Variants in ADAMTS17 observed in about 807,000 individuals in gnomAD.
ADAMTS17 encodes A disintegrin and metalloproteinase with thrombospondin motifs 17.
A neutral mutation model predicts 141.5 loss-of-function variants in ADAMTS17; 113 were observed. That is an observed-to-expected ratio of 0.80 (90% CI 0.69 to 0.93). The LOEUF (loss-of-function observed/expected upper bound fraction) is 0.93. Ranked by LOEUF, ADAMTS17 falls within the 40% of genes least tolerant of loss-of-function variation. The probability of loss-of-function intolerance (pLI) is 0.00; values close to 1 mark genes in which losing one functional copy is unlikely to be tolerated. For missense variants in ADAMTS17, 1,659 were observed against 1,517.9 expected, an observed-to-expected ratio of 1.09 and a Z score of -1.54; for synonymous variants, 768 against 630.6, an observed-to-expected ratio of 1.22 and a Z score of -3.27.
rs575071650 is a variant in ADAMTS17 at position 100,051,614 on chromosome 15, T to A, written c.2413A>T (p.Thr805Ser). ...CTGCACCCTTCCCAGCCGCTGTGGG[T>A]CCAGATGAACAAAGAGTCCTGCGGT... The part of the protein sequence containing the change: ...EKPQDSLFIW[T>S]HSGWEGCSVQ... The change falls in exon 17 of 22, where the codon ACC becomes TCC. Residue 805 changes from threonine to serine, a missense_variant. Physicochemically the swap from Thr to Ser is moderately conservative, Grantham distance 58. Coordinates refer to ENST00000268070, the MANE Select transcript of ADAMTS17 (RefSeq NM_139057.4). 1 of 1,614,092 alleles carries A rather than the reference T, an allele frequency of 6.2e-7. No homozygotes were observed.
At chr15:100,089,189 A>C (rs1305972645) in intron 15 of ADAMTS17, among the ~76,000 whole-genome samples, 1 of 150,490 alleles carries the variant, frequency 6.6e-6, no homozygotes, top group Non-Finnish European at 1.5e-5. Context: ...ATGAACAGAC[A>C]CTTCTCAAAA....
chr15:100,093,015 C>A (rs897019056), intron 15 of ADAMTS17, among the ~76,000 whole-genome samples: 4 of 152,226 alleles, frequency 2.6e-5, no homozygotes, highest in Non-Finnish European at 5.9e-5. Flanking sequence ...CTTGAGCCAG[C>A]CCAAGGCATG....
intron 15 of ADAMTS17, 88 bp from the exon 16 acceptor site, chr15:100,054,142 T>A (rs1048211144): frequency 1.4e-5 from 21 of 1,485,900 alleles, no homozygotes; most frequent in Non-Finnish European, 2.0e-5. Flanking sequence ...AGCCCCTGAG[T>A]GGGGCAGAGG....
At chr15:100,186,564 A>C (rs1039994961) in intron 8 of ADAMTS17, among the ~76,000 whole-genome samples, 2 of 152,224 alleles carry the variant, frequency 1.3e-5, no homozygotes, top group African/African-American at 4.8e-5. Context: ...TGACTACAGC[A>C]GTCAAACAAG....
At chr15:100,323,638 AT>A (rs2045804172) in intron 3 of ADAMTS17, among the ~76,000 whole-genome samples, 1 of 151,714 alleles carries the variant, frequency 6.6e-6, no homozygotes, top group Admixed American at 6.5e-5. Flanking sequence ...AGGAAAAAAA[AT>A]AAAGATACAA....
chr15:100,264,660 C>T (rs1197295278), intron 4 of ADAMTS17, among the ~76,000 whole-genome samples: 1 of 152,184 alleles, frequency 6.6e-6, no homozygotes, highest in Non-Finnish European at 1.5e-5. Flanking sequence ...GTCAAAATCA[C>T]CCATTTTCTC....
chr15:100,067,447 A>G (rs1313868872), intron 15 of ADAMTS17, among the ~76,000 whole-genome samples: 4 of 152,260 alleles, frequency 2.6e-5, no homozygotes, highest in Non-Finnish European at 5.9e-5. Flanking sequence ...TAACAGGGAA[A>G]TACCAGTTGT....
intron 7 of ADAMTS17, among the ~76,000 whole-genome samples, chr15:100,207,595 T>C (rs913902100): frequency 1.3e-5 from 2 of 152,056 alleles, no homozygotes; most frequent in South Asian, 2.1e-4. Flanking sequence ...ATCTGGAAAG[T>C]TGTAGGAGCA....
At chr15:100,323,777 T>C (rs1348431576) in intron 3 of ADAMTS17, among the ~76,000 whole-genome samples, 1 of 152,172 alleles carries the variant, frequency 6.6e-6, no homozygotes, top group Non-Finnish European at 1.5e-5. Context: ...AAGACATGAC[T>C]GTGAGTGATA....
At chr15:100,340,891 A>G in intron 2 of ADAMTS17, 148 bp downstream of exon 2, 1 of 1,229,360 alleles carries the variant, frequency 8.1e-7, no homozygotes. Flanking sequence ...GGGGTGGGGG[A>G]TGGGGAGAGG....
chr15:99,992,007 C>T (rs1349284234), intron 20 of ADAMTS17, among the ~76,000 whole-genome samples: 1 of 151,948 alleles, frequency 6.6e-6, no homozygotes, highest in South Asian at 2.1e-4. Flanking sequence ...GAACATCACA[C>T]ACCAGGGACT....
chr15:100,051,899 T>C (rs2032179916), intron 16 of ADAMTS17, among the ~76,000 whole-genome samples, 168 bp from the exon 17 acceptor site: 1 of 152,190 alleles, frequency 6.6e-6, no homozygotes, highest in Non-Finnish European at 1.5e-5. Context: ...ATCTCAGCCC[T>C]GGATTCCTCA....
intron 15 of ADAMTS17, among the ~76,000 whole-genome samples, chr15:100,057,347 T>C (rs555793433): frequency 6.6e-6 from 1 of 152,212 alleles, no homozygotes; most frequent in East Asian, 1.9e-4. Context: ...ATGATTTCTT[T>C]GAAGCTGTGT....
chr15:100,340,245 G>A (rs528794856), intron 2 of ADAMTS17, among the ~76,000 whole-genome samples: 1 of 152,280 alleles, frequency 6.6e-6, no homozygotes, highest in Admixed American at 6.5e-5. Flanking sequence ...GCGCAGGCAG[G>A]GCAAGTGCAC....
intron 3 of ADAMTS17, among the ~76,000 whole-genome samples, chr15:100,288,820 C>A (rs1326795794): frequency 6.6e-6 from 1 of 152,068 alleles, no homozygotes. Flanking sequence ...AAAAAAGATA[C>A]AACATACCAA....
At chr15:100,054,667 G>C (rs1354687100) in intron 15 of ADAMTS17, among the ~76,000 whole-genome samples, 1 of 152,182 alleles carries the variant, frequency 6.6e-6, no homozygotes, top group East Asian at 1.9e-4. Context: ...AGATGTGGTG[G>C]TCACACTTGG....
intron 15 of ADAMTS17, among the ~76,000 whole-genome samples, chr15:100,058,627 G>A (rs1335184260): frequency 6.6e-6 from 1 of 152,242 alleles, no homozygotes; most frequent in African/African-American, 2.4e-5. Context: ...CTGGCCTGGG[G>A]AAGCCCTGCT....
Position 99,976,144 on chromosome 15 carries a change from C to T in ADAMTS17, c.3028G>A (p.Glu1010Lys), listed in dbSNP as rs367651794. The part of the protein sequence containing the change: ...MHKVTGRHGS[E>K]CPALSKPAPY... The stretch of plus-strand genomic sequence containing the variant: ...GCAGGCTTCGAGAGGGCGGGGCACT[C>T]GCTGCCGTGGCGCCCTGTGACCTTG... The change falls in exon 21 of 22, where the codon GAG becomes AAG. Residue 1010 changes from glutamate (E) to lysine (K), a missense_variant. By Grantham distance (56) the Glu-to-Lys change is moderately conservative. Coordinates refer to ENST00000268070, the MANE Select transcript of ADAMTS17 (RefSeq NM_139057.4). The T allele has an allele frequency of 4.5e-4, 705 of 1,550,758 alleles. No individual in the cohort carries two copies. The highest frequency in any genetic ancestry group is 5.8e-4 in the Non-Finnish European group (667 of 1,146,944).
intron 8 of ADAMTS17, among the ~76,000 whole-genome samples, chr15:100,187,389 A>G (rs927456254): frequency 1.3e-5 from 2 of 152,160 alleles, no homozygotes; most frequent in African/African-American, 4.8e-5. Context: ...AAGGAAATGA[A>G]CTTTACAGTC....
Sources: gnomAD v4.1 joint callset for allele counts (sites outside exome capture counted in the v4.1 genomes callset) on GRCh38, gnomAD v4.1.1 for gene constraint, MANE v1.5 for transcripts, NCBI Gene and HGNC (gene_info 2026-07-23, HGNC 2026-07-21) for gene names.